Variants in CCDC178 observed in about 807,000 individuals in gnomAD.
CCDC178 encodes coiled-coil domain-containing protein 178.
CCDC178 carries 126 observed loss-of-function variants against 117.4 expected under a neutral mutation model. The ratio of observed to expected loss-of-function variants is 1.07; its 90% CI spans 0.93 to 1.24. The LOEUF is 1.24. Ranked by LOEUF, CCDC178 falls within the 50% of genes most tolerant of loss-of-function variation. The pLI is 0.00. For missense variants in CCDC178, 1,030 were observed against 986.9 expected (o/e 1.04, Z -0.59); for synonymous variants, 283 against 313.4 (o/e 0.90, Z 1.02).
chr18:32,946,584 C>A (rs1447448036), intron 22 of CCDC178, among the ~76,000 whole-genome samples: 1 of 152,048 alleles, frequency 6.6e-6, no homozygotes, highest in African/African-American at 2.4e-5. Flanking sequence ...AAATTGTATG[C>A]AATCATCTTT....
intron 22 of CCDC178, among the ~76,000 whole-genome samples, chr18:32,967,624 TAC>T (rs1256708210): frequency 6.6e-6 from 1 of 151,742 alleles, no homozygotes; most frequent in Non-Finnish European, 1.5e-5. Flanking sequence ...TAAAACCATT[TAC>T]AGTTATTAGT....
chr18:33,162,342 AT>A (rs762901715), intron 20 of CCDC178, among the ~76,000 whole-genome samples: 32 of 152,362 alleles, frequency 2.1e-4, no homozygotes, highest in East Asian at 7.7e-4. Context: ...TTTAAAAAAA[AT>A]AATTTGTTAA....
intron 21 of CCDC178, among the ~76,000 whole-genome samples, chr18:33,081,975 C>T (rs916376831): frequency 8.5e-5 from 13 of 152,154 alleles, no homozygotes. Context: ...GTCTATCTGT[C>T]CACAATATTT....
chr18:33,187,062 C>A (rs948609642), intron 20 of CCDC178, among the ~76,000 whole-genome samples: 7 of 148,296 alleles, frequency 4.7e-5, no homozygotes, highest in African/African-American at 1.8e-4. Context: ...AAAGGGGAGA[C>A]AAGGCACATC....
intron 3 of CCDC178, among the ~76,000 whole-genome samples, chr18:33,402,213 C>T (rs1433614167): frequency 6.6e-6 from 1 of 152,170 alleles, no homozygotes; most frequent in African/African-American, 2.4e-5. Flanking sequence ...AAATCTACCT[C>T]TCCATAAATA....
At position 33,004,163 on chromosome 18, in the gene CCDC178, G is replaced by GA. The variant is rs528587479; in HGVS notation, c.2389-29483dup. Reference sequence around the variant, plus strand: ...TACGAATGACATCTTCACAGAAATAGAAAAAACAATCCTAAACTTTATGTG... The same window carrying GA: ...TACGAATGACATCTTCACAGAAATAGAAAAAAACAATCCTAAACTTTATGTG... On this transcript the variant is annotated intron_variant, in intron 21 of 22. Coordinates refer to ENST00000383096, the MANE Select transcript of CCDC178 (RefSeq NM_001105528.4). 3.9e-5 allele frequency among the ~76,000 whole-genome samples: 6 copies of GA among 152,098 alleles called. No individual in the cohort carries two copies. In the South Asian group the frequency reaches 1.0e-3, roughly 26 times the overall value.
intron 21 of CCDC178, among the ~76,000 whole-genome samples, chr18:33,000,004 T>G (rs967558946): frequency 6.6e-6 from 1 of 152,004 alleles, no homozygotes; most frequent in African/African-American, 2.4e-5. Context: ...CCAAATGAAC[T>G]AAGGGACCAT....
At chr18:33,126,986 T>TAAA (rs1225815316) in intron 20 of CCDC178, among the ~76,000 whole-genome samples, 4,349 of 135,362 alleles carry the variant, frequency 0.032, 87 homozygotes, top group East Asian at 0.073. Flanking sequence ...TGCATTTGGT[T>TAAA]AAAAAAAAAA....
intron 22 of CCDC178, among the ~76,000 whole-genome samples, chr18:32,943,149 G>C (rs568952737): frequency 6.6e-6 from 1 of 152,292 alleles, no homozygotes; most frequent in East Asian, 1.9e-4. Flanking sequence ...ATTTAGATTA[G>C]AGAGGAAAAT....
intron 21 of CCDC178, among the ~76,000 whole-genome samples, chr18:33,015,028 T>A (rs1598790128): frequency 6.7e-6 from 1 of 150,158 alleles, no homozygotes; most frequent in African/African-American, 2.5e-5. Flanking sequence ...GGCCGAGGCG[T>A]GCAGATCACT....
chr18:33,192,959 G>A (rs1414433197), intron 20 of CCDC178, among the ~76,000 whole-genome samples: 1 of 149,580 alleles, frequency 6.7e-6, no homozygotes, highest in African/African-American at 2.5e-5. Flanking sequence ...TGGAAGCAGA[G>A]AATAAAATGA....
At chr18:33,117,575 TGG>T (rs1051128689) in intron 20 of CCDC178, among the ~76,000 whole-genome samples, 1 of 150,610 alleles carries the variant, frequency 6.6e-6, no homozygotes, top group East Asian at 2.0e-4. Flanking sequence ...TGTCGTGGGG[TGG>T]GGGGAGCGGG....
chr18:33,036,291 A>G (rs955292426), intron 21 of CCDC178, among the ~76,000 whole-genome samples: 3 of 151,852 alleles, frequency 2.0e-5, no homozygotes, highest in African/African-American at 7.2e-5. Context: ...CTTGTGCCTG[A>G]AAAAATCTAT....
intron 2 of CCDC178, among the ~76,000 whole-genome samples, chr18:33,430,462 C>G (rs1018597936): frequency 1.3e-5 from 2 of 152,072 alleles, no homozygotes; most frequent in African/African-American, 4.8e-5. Flanking sequence ...GTTTCAGGAC[C>G]ATGTAATTGG....
At chr18:33,411,226 A>G (rs1227249203) in intron 3 of CCDC178, among the ~76,000 whole-genome samples, 1 of 152,132 alleles carries the variant, frequency 6.6e-6, no homozygotes, top group African/African-American at 2.4e-5. Flanking sequence ...AAGACTACCT[A>G]TTGTTCTCAA....
intron 3 of CCDC178, among the ~76,000 whole-genome samples, chr18:33,403,510 A>G (rs914374287): frequency 1.3e-5 from 2 of 151,944 alleles, no homozygotes; most frequent in African/African-American, 4.8e-5. Flanking sequence ...AAAACCGGAC[A>G]AATGGTTCAT....
intron 11 of CCDC178, among the ~76,000 whole-genome samples, chr18:33,293,648 G>A (rs2062067509): frequency 6.6e-6 from 1 of 152,110 alleles, no homozygotes; most frequent in African/African-American, 2.4e-5. Context: ...CTGGGTGACA[G>A]AGTGAGACCC....
intron 10 of CCDC178, among the ~76,000 whole-genome samples, chr18:33,323,887 A>G (rs974912002): frequency 2.0e-5 from 3 of 151,698 alleles, no homozygotes; most frequent in Non-Finnish European, 3.0e-5. Flanking sequence ...CTCTTCACTC[A>G]TAAAAAATTT....
chr18:33,089,631 T>C (rs1021833089), intron 21 of CCDC178, among the ~76,000 whole-genome samples: 2 of 152,208 alleles, frequency 1.3e-5, no homozygotes, highest in African/African-American at 4.8e-5. Flanking sequence ...TAACACATTT[T>C]GGAAGCCATC....
Sources: allele counts gnomAD v4.1 joint callset (sites outside exome capture counted in the v4.1 genomes callset), GRCh38; gene constraint gnomAD v4.1.1; transcripts MANE v1.5; gene names NCBI Gene and HGNC (gene_info 2026-07-23, HGNC 2026-07-21).